OXCT1: variants seen among roughly 807,000 people sequenced by gnomAD.
The protein encoded by OXCT1 is 3-oxoacid CoA-transferase 1.
Under a neutral mutation model 69.6 loss-of-function variants are expected in OXCT1, and 27 were observed. That is an observed-to-expected ratio of 0.39 (90% CI 0.29 to 0.54). The LOEUF (loss-of-function observed/expected upper bound fraction) is 0.54. Ranked by LOEUF, OXCT1 falls within the 20% of genes least tolerant of loss-of-function variation. OXCT1 has a pLI of 0.72. For synonymous variants in OXCT1, 202 were observed against 217.8 expected (o/e 0.93, Z 0.64); for missense variants, 437 against 650.2 (o/e 0.67, Z 3.57).
intron 14 of OXCT1, among the ~76,000 whole-genome samples, chr5:41,750,988 CT>C (rs1266658946): frequency 6.6e-6 from 1 of 152,020 alleles, no homozygotes; most frequent in Non-Finnish European, 1.5e-5. Flanking sequence ...GACATAACAC[CT>C]TTTAAAACAA....
intron 13 of OXCT1, among the ~76,000 whole-genome samples, chr5:41,793,439 T>C (rs1746024252): frequency 6.6e-6 from 1 of 152,258 alleles, no homozygotes; most frequent in South Asian, 2.1e-4. Flanking sequence ...CTAAGAGGTT[T>C]CTTCCTTGAT....
intron 7 of OXCT1, among the ~76,000 whole-genome samples, chr5:41,834,310 A>C (rs1255443220): frequency 6.6e-6 from 1 of 152,118 alleles, no homozygotes; most frequent in Non-Finnish European, 1.5e-5. Flanking sequence ...CTACTTATCA[A>C]TAATAACATT....
At chr5:41,820,920 C>T (rs926690079) in intron 7 of OXCT1, among the ~76,000 whole-genome samples, 1 of 152,152 alleles carries the variant, frequency 6.6e-6, no homozygotes, top group African/African-American at 2.4e-5. Context: ...CCACCACCAT[C>T]AAGATCCCAC....
Position 41,805,596 on chromosome 5 carries a change from G to T in OXCT1, c.926C>A (p.Ala309Asp). ...DDVRERIIKR[A>D]ALEFEDGMYA... is the part of the protein sequence containing the mutation. ...CATGCCATCCTCAAACTCAAGAGCG[G>T]CCCTCTTGATGATTCGTTCCCTTAC... is the stretch of plus-strand genomic sequence containing the variant. The change falls in exon 9 of 17, where the codon GCC becomes GAC. Residue 309 changes from alanine (A) to aspartate (D), a missense_variant. This residue lies in a region of OXCT1 where 252 missense variants were observed against 397.4 expected (regional missense o/e 0.63). Coordinates refer to ENST00000196371, the MANE Select transcript of OXCT1 (RefSeq NM_000436.4). 1 of 1,611,792 alleles carries T rather than the reference G, an allele frequency of 6.2e-7. No individual in the cohort carries two copies. The highest frequency in any genetic ancestry group is 8.5e-7 in the Non-Finnish European group (1 of 1,178,190).
intron 5 of OXCT1, among the ~76,000 whole-genome samples, chr5:41,844,274 A>C (rs1748784985): frequency 6.6e-6 from 1 of 152,174 alleles, no homozygotes; most frequent in African/African-American, 2.4e-5. Flanking sequence ...TCTTGAATCT[A>C]ATGAGATTTT....
At chr5:41,742,086 A>G (rs765306179) in intron 15 of OXCT1, among the ~76,000 whole-genome samples, 1 of 152,220 alleles carries the variant, frequency 6.6e-6, no homozygotes, top group Non-Finnish European at 1.5e-5. Flanking sequence ...TAGAGAGAAG[A>G]TAACTGTGGT....
intron 16 of OXCT1, among the ~76,000 whole-genome samples, chr5:41,734,262 T>C (rs187327614): frequency 6.6e-6 from 1 of 152,336 alleles, no homozygotes; most frequent in Non-Finnish European, 1.5e-5. Context: ...CATCTGGAAG[T>C]TTATTCTAAC....
At chr5:41,851,703 G>A (rs1725700263) in intron 4 of OXCT1, among the ~76,000 whole-genome samples, 2 of 151,024 alleles carry the variant, frequency 1.3e-5, no homozygotes, top group South Asian at 4.2e-4. Context: ...CTCTTAGCCT[G>A]AGGAAAAACT....
At chr5:41,867,877 C>T (rs1256785672) in intron 1 of OXCT1, among the ~76,000 whole-genome samples, 1 of 152,162 alleles carries the variant, frequency 6.6e-6, no homozygotes, top group Non-Finnish European at 1.5e-5. Flanking sequence ...TTAAATGCTC[C>T]CCACTGCCCC....
At chr5:41,825,213 GT>G (rs1747748114) in intron 7 of OXCT1, among the ~76,000 whole-genome samples, 1 of 152,062 alleles carries the variant, frequency 6.6e-6, no homozygotes. Context: ...AAGAGAGAAG[GT>G]GACCTATACT....
chr5:41,837,816 T>TCCA (rs1748442207), intron 7 of OXCT1, among the ~76,000 whole-genome samples: 2 of 152,178 alleles, frequency 1.3e-5, no homozygotes, highest in Admixed American at 1.3e-4. Context: ...CTCTCCTGGT[T>TCCA]CCACCTAAGC....
intron 13 of OXCT1, among the ~76,000 whole-genome samples, chr5:41,778,734 A>G (rs562490097): frequency 2.0e-5 from 3 of 152,218 alleles, no homozygotes; most frequent in East Asian, 3.9e-4. Flanking sequence ...GAAGCGGTCA[A>G]TGTATCATTT....
intron 4 of OXCT1, among the ~76,000 whole-genome samples, chr5:41,850,900 T>C (rs1487076806): frequency 6.6e-6 from 1 of 152,212 alleles, no homozygotes; most frequent in Non-Finnish European, 1.5e-5. Flanking sequence ...AGGTTTTCCC[T>C]AAGGAATCAA....
At chr5:41,788,154 T>C (rs1404114590) in intron 13 of OXCT1, among the ~76,000 whole-genome samples, 2 of 152,164 alleles carry the variant, frequency 1.3e-5, no homozygotes, top group Non-Finnish European at 2.9e-5. Flanking sequence ...TGTATAATTC[T>C]TACATTATAT....
rs1471218833 is a variant in OXCT1, at chr5:41,870,385, T to C, written c.-27A>G. 4.4e-6 allele frequency: 7 copies of C among 1,593,100 alleles called. No homozygotes were observed. Among genetic ancestry groups the C allele is most frequent in the Admixed American group, 1.7e-5 (1 of 59,896 alleles). ...TTCGGGCGGTGAGGCAGGAGGAGGC[T>C]GCGGGTTGGAGCGCGCGTTTGAGCG... On this transcript the variant is annotated 5_prime_UTR_variant, in exon 1 of 17. Transcript: ENST00000196371. The surrounding 1 kb of genome is among the most constrained non-coding windows in gnomAD (Gnocchi z 4.2).
chr5:41,759,511 C>A (rs765618476), intron 14 of OXCT1, among the ~76,000 whole-genome samples: 4 of 152,080 alleles, frequency 2.6e-5, no homozygotes, highest in Admixed American at 6.6e-5. Flanking sequence ...AATCAAGTTA[C>A]AATGCCAGTC....
chr5:41,829,828 A>G (rs1748004656), intron 7 of OXCT1, among the ~76,000 whole-genome samples: 1 of 152,208 alleles, frequency 6.6e-6, no homozygotes, highest in South Asian at 2.1e-4. Flanking sequence ...TTATTTTGCC[A>G]AACTACTCAA....
Position 41,754,313 on chromosome 5 carries a change from C to CA in OXCT1, c.1339-4707dup, listed in dbSNP as rs559704053. ...GCTCTTTCCTTCTCCCACTTAATCT[C>CA]AATGCTTAAATCAAGCATACCACAT... is the stretch of plus-strand genomic sequence containing the variant. On this transcript the variant is annotated intron_variant, in intron 14 of 16. Transcript: ENST00000196371. Among the ~76,000 whole-genome samples the CA allele has an allele frequency of 8.2e-4, 125 of 152,164 alleles. 1 individual carries two copies. Among genetic ancestry groups the CA allele is most frequent in the African/African-American group, 2.9e-3 (121 of 41,528 alleles).
intron 7 of OXCT1, among the ~76,000 whole-genome samples, chr5:41,840,007 G>A (rs1175915081): frequency 6.6e-6 from 1 of 152,196 alleles, no homozygotes; most frequent in African/African-American, 2.4e-5. Context: ...GTCAGTGCCT[G>A]AATTTGCTCT....
Sources: gnomAD v4.1 joint callset for allele counts (sites outside exome capture counted in the v4.1 genomes callset) on GRCh38, gnomAD v4.1.1 for gene constraint, gnomAD v4.1.1 regional missense constraint, Gnocchi (gnomAD v3.1) non-coding constraint, MANE v1.5 for transcripts, NCBI Gene and HGNC (gene_info 2026-07-23, HGNC 2026-07-21) for gene names.